PCDHGA11: variants seen among roughly 807,000 people sequenced by gnomAD.
The protein encoded by PCDHGA11 is protocadherin gamma-A11.
Under a neutral mutation model 60.4 loss-of-function variants are expected in PCDHGA11, and 39 were observed. The observed-to-expected ratio is 0.65, with a 90% confidence interval of 0.50 to 0.84. PCDHGA11 has a LOEUF of 0.84. Among genes scored for constraint, PCDHGA11 ranks in the 40% least tolerant of loss-of-function variants. PCDHGA11 has a pLI of 0.00. For missense variants in PCDHGA11, 1,165 were observed against 1,197.7 expected (o/e 0.97, Z 0.40); for synonymous variants, 533 against 510.3 (o/e 1.04, Z -0.60).
chr5:141,481,871 G>T (rs372191396), intron 1 of PCDHGA11, among the ~76,000 whole-genome samples: 1 of 144,788 alleles, frequency 6.9e-6, no homozygotes, highest in Non-Finnish European at 1.5e-5. Context: ...CCGAGATCGC[G>T]CCACTGCACT....
chr5:141,482,593 G>A (rs1314658005), intron 1 of PCDHGA11, among the ~76,000 whole-genome samples: 4 of 149,900 alleles, frequency 2.7e-5, no homozygotes, highest in Non-Finnish European at 5.9e-5. Flanking sequence ...GGGACCAAAC[G>A]GGAAAAAACA....
chr5:141,508,740 C>G (rs2099871405), intron 3 of PCDHGA11, among the ~76,000 whole-genome samples: 1 of 152,006 alleles, frequency 6.6e-6, no homozygotes. Flanking sequence ...CACCCCCCAC[C>G]CCGCTCTTTC....
At position 141,432,065 on chromosome 5, in the gene PCDHGA11, AC is replaced by A; in HGVS notation, c.2433+8406del. 1.2e-6 allele frequency: 2 copies of A among 1,614,048 alleles called. No homozygotes were observed. The highest frequency in any genetic ancestry group is 1.7e-6 in the Non-Finnish European group (2 of 1,180,006). On this transcript the variant is annotated intron_variant, in intron 1 of 3. Transcript: ENST00000398587. The surrounding 1 kb of genome is among the most constrained non-coding windows in gnomAD (Gnocchi z 6.0). ...GGGAACCCCGCCCCTATCCACGGAA[AC>A]TCATATCTCGCTGAACGTGGCAGAC...
rs200533514 is a variant in PCDHGA11 at position 141,476,315 on chromosome 5, C to T, written c.2434-18492C>T. On this transcript the variant is annotated intron_variant, in intron 1 of 3. Transcript: ENST00000398587. This position sits in a 1 kb window ranked among gnomAD's most constrained non-coding sequence, Gnocchi z 7.6. The stretch of plus-strand genomic sequence containing the variant: ...CGGTAGCCTCTCAGCCCGCAGGTTC[C>T]GGGTGGTGTCTGGAGCTAGCCGAAG... 264 of 1,613,910 alleles carry T rather than the reference C, an allele frequency of 1.6e-4. No homozygotes were observed. The highest frequency in any genetic ancestry group is 2.1e-4 in the Non-Finnish European group (248 of 1,180,024).
chr5:141,451,676 G>A (rs1363843426), intron 1 of PCDHGA11, among the ~76,000 whole-genome samples: 1 of 152,142 alleles, frequency 6.6e-6, no homozygotes, highest in African/African-American at 2.4e-5. Flanking sequence ...GAGCCCAGGA[G>A]TTCAAGACCA....
intron 1 of PCDHGA11, among the ~76,000 whole-genome samples, chr5:141,470,714 T>C (rs1416956410): frequency 1.3e-5 from 2 of 152,152 alleles, no homozygotes; most frequent in Non-Finnish European, 2.9e-5. Context: ...TTTTATTTTT[T>C]TGAGTCAGGG....
chr5:141,455,104 G>A (rs2098813087), intron 1 of PCDHGA11, among the ~76,000 whole-genome samples: 1 of 151,888 alleles, frequency 6.6e-6, no homozygotes, highest in East Asian at 1.9e-4. Flanking sequence ...GAGCCACTGC[G>A]CCCGGTGGGT....
chr5:141,467,775 C>T (rs1464827506), intron 1 of PCDHGA11, among the ~76,000 whole-genome samples: 1 of 151,960 alleles, frequency 6.6e-6, no homozygotes, highest in Non-Finnish European at 1.5e-5. Context: ...GCCCGCACCT[C>T]AGCCTCTCAA....
rs1182660567 is a variant in PCDHGA11 at position 141,422,424 on chromosome 5, T to G, written c.1197T>G (p.Tyr399Ter). ...NHLPFKLEKT[Y>*]GNYYKLITSR... ...TGCCTTTTAAATTAGAAAAGACTTA[T>G]GGAAATTATTACAAATTGATAACAA... The change falls in exon 1 of 4, where the codon TAT becomes TAG. Residue 399 changes from tyrosine to a stop codon, truncating the protein, a stop_gained. Transcript: ENST00000398587. LOFTEE classifies it high-confidence loss of function. 1.9e-6 allele frequency: 3 copies of G among 1,607,958 alleles called. No homozygotes were observed. Among genetic ancestry groups the G allele is most frequent in the Non-Finnish European group, 2.5e-6 (3 of 1,178,156 alleles).
chr5:141,510,656 A>C (rs761093897), intron 3 of PCDHGA11, among the ~76,000 whole-genome samples: 4 of 152,304 alleles, frequency 2.6e-5, no homozygotes, highest in Non-Finnish European at 5.9e-5. Flanking sequence ...CCCATTTTGC[A>C]GATGAGAAAA....
rs539892249 is a variant in PCDHGA11 at position 141,500,355 on chromosome 5, C to T, written c.2493-5038C>T. ...TCCAGAATAGCTGGGACTACAGGCG[C>T]CCACTACCACGCCCGGCTAATTATT... On this transcript the variant is annotated intron_variant, in intron 2 of 3. Coordinates refer to ENST00000398587, the MANE Select transcript of PCDHGA11 (RefSeq NM_018914.3). Among the ~76,000 whole-genome samples, 274 of 152,030 alleles carry T rather than the reference C, an allele frequency of 1.8e-3. 2 individuals are homozygous for T. The highest frequency in any genetic ancestry group is 6.3e-3 in the African/African-American group (263 of 41,478).
intron 1 of PCDHGA11, chr5:141,478,509 G>A: frequency 1.2e-6 from 2 of 1,611,878 alleles, no homozygotes; most frequent in South Asian, 1.1e-5. Flanking sequence ...GTGTTCTATA[G>A]GCAGGTGTTG....
At chr5:141,447,719 C>T (rs1333017511) in intron 1 of PCDHGA11, among the ~76,000 whole-genome samples, 2 of 152,226 alleles carry the variant, frequency 1.3e-5, no homozygotes, top group East Asian at 3.9e-4. Context: ...TACACATTTT[C>T]CAAAACTCAT....
chr5:141,504,209 C>T (rs1305672612), intron 2 of PCDHGA11, among the ~76,000 whole-genome samples: 1 of 152,180 alleles, frequency 6.6e-6, no homozygotes, highest in Non-Finnish European at 1.5e-5. Flanking sequence ...TGGGAAAATT[C>T]CAAGTAGAGC....
chr5:141,485,958 T>C lies in PCDHGA11; in HGVS notation c.2434-8849T>C. On this transcript the variant is annotated intron_variant, in intron 1 of 3. Transcript: ENST00000398587. The surrounding 1 kb of genome is among the most constrained non-coding windows in gnomAD (Gnocchi z 5.7). ...AGCGCACCAGCGGGCATGGTGCTCATCCAGCTCAATGCCTCAGACCCGGAC... is the reference window on the plus strand; with the variant it reads ...AGCGCACCAGCGGGCATGGTGCTCACCCAGCTCAATGCCTCAGACCCGGAC... 1 of 1,614,190 alleles carries C rather than the reference T, an allele frequency of 6.2e-7. No individual in the cohort carries two copies. The highest frequency in any genetic ancestry group is 8.5e-7 in the Non-Finnish European group (1 of 1,180,032).
chr5:141,500,839 G>A (rs2099802871), intron 2 of PCDHGA11, among the ~76,000 whole-genome samples: 1 of 151,906 alleles, frequency 6.6e-6, no homozygotes, highest in African/African-American at 2.4e-5. Flanking sequence ...ATGCTAATGG[G>A]CTTTTGCTAC....
chr5:141,467,057 T>TG, intron 1 of PCDHGA11, among the ~76,000 whole-genome samples: 1 of 144,752 alleles, frequency 6.9e-6, no homozygotes, highest in Non-Finnish European at 1.5e-5. Context: ...AATGTTTTCT[T>TG]TTTTTTTTTT....
At chr5:141,466,058 C>T (rs970494567) in intron 1 of PCDHGA11, among the ~76,000 whole-genome samples, 2 of 152,046 alleles carry the variant, frequency 1.3e-5, no homozygotes, top group African/African-American at 4.8e-5. Flanking sequence ...GGAGACGGAG[C>T]TTGCAGTGAG....
intron 1 of PCDHGA11, among the ~76,000 whole-genome samples, chr5:141,469,538 G>A (rs2099204234): frequency 6.6e-6 from 1 of 152,168 alleles, no homozygotes; most frequent in Non-Finnish European, 1.5e-5. Flanking sequence ...TTGTGCCACT[G>A]CACTCCAGCC....
Sources: allele counts gnomAD v4.1 joint callset (sites outside exome capture counted in the v4.1 genomes callset), GRCh38; gene constraint gnomAD v4.1.1; non-coding constraint Gnocchi (gnomAD v3.1); transcripts MANE v1.5; gene names NCBI Gene and HGNC (gene_info 2026-07-23, HGNC 2026-07-21).